Variants in NBPF26 observed in about 807,000 individuals in gnomAD.
NBPF26 encodes the protein NBPF family member NBPF26.
In NBPF26, 79 loss-of-function variants were observed where a neutral mutation model predicts 119.6. The ratio of observed to expected loss-of-function variants is 0.66; its 90% CI spans 0.55 to 0.80. The LOEUF (loss-of-function observed/expected upper bound fraction) is 0.80, where lower values mean the gene tolerates loss of function less well. Among genes scored for constraint, NBPF26 ranks in the 30% least tolerant of loss-of-function variants. The pLI is 0.00. For synonymous variants in NBPF26, 299 were observed against 457.7 expected, an observed-to-expected ratio of 0.65 and a Z score of 4.43; for missense variants, 800 against 1,198.2, an observed-to-expected ratio of 0.67 and a Z score of 4.91.
intron 2 of NBPF26, among the ~76,000 whole-genome samples, chr1:120,783,877 A>G (rs1651393616): frequency 9.4e-6 from 1 of 106,002 alleles, no homozygotes; most frequent in Non-Finnish European, 1.8e-5. Context: ...GTGGTTAGCA[A>G]TTCTCCCTAT....
intron 5 of NBPF26, among the ~76,000 whole-genome samples, chr1:120,806,299 G>T (rs1302207240): frequency 8.5e-6 from 1 of 118,224 alleles, no homozygotes; most frequent in Non-Finnish European, 1.7e-5. Flanking sequence ...ACAGCATCAA[G>T]AGCAGGGAGT....
intron 2 of NBPF26, among the ~76,000 whole-genome samples, chr1:120,778,103 G>A: frequency 1.2e-5 from 1 of 84,058 alleles, no homozygotes; most frequent in Non-Finnish European, 2.1e-5. Context: ...CAGAGTAGGG[G>A]GGCAGGAAAC....
chr1:120,803,399 C>G lies in NBPF26; in HGVS notation c.752-2157C>G, dbSNP rs1203388911. On this transcript the variant is annotated intron_variant, in intron 4 of 29. Coordinates refer to ENST00000620612, the Ensembl canonical transcript of NBPF26. ...AATTAAACACAGCCAAGGGAAGACCCATGTCTCATACTTCTCTTGTATATT... is the reference window on the plus strand; with the variant it reads ...AATTAAACACAGCCAAGGGAAGACCGATGTCTCATACTTCTCTTGTATATT... 1.8e-4 allele frequency among the ~76,000 whole-genome samples: 23 copies of G among 127,818 alleles called. 5 individuals are homozygous for G. The highest frequency in any genetic ancestry group is 8.2e-4 in the African/African-American group (23 of 27,950). The allele number at this position is 127,818 out of a possible 152,430, so 83.9% of individuals were successfully genotyped here.
chr1:120,816,785 T>C lies in NBPF26; in HGVS notation c.2329T>C (p.Ser777Pro). ...AGTCGACTCAACTCTCATTGGCTCA[T>C]CCTCTCATGTTGAATGGGAGGATGC... The change falls in exon 14 of 30, where the codon TCC becomes CCC. Residue 777 changes from serine to proline, a missense_variant. This residue lies in a region of NBPF26 where 59 missense variants were observed against 112.3 expected (regional missense o/e 0.53). Transcript: ENST00000620612. The C allele has an allele frequency of 2.1e-6, 3 of 1,424,016 alleles. 1 individual carries two copies. Among genetic ancestry groups the C allele is most frequent in the Non-Finnish European group, 2.8e-6 (3 of 1,069,066 alleles). The allele number at this position is 1,424,016 out of a possible 1,614,324, so 88.2% of individuals were successfully genotyped here.
chr1:120,823,817 G>A lies in NBPF26; in HGVS notation c.2640-157G>A, dbSNP rs1334092781. Among the ~76,000 whole-genome samples the A allele has an allele frequency of 2.5e-4, 27 of 109,114 alleles. 1 individual carries two copies. Among genetic ancestry groups the A allele is most frequent in the Admixed American group, 6.2e-4 (7 of 11,274 alleles). 71.6% of individuals were successfully genotyped at this position (109,114 alleles called of 152,430 possible). ...CTTTCATCTTTTTCTACCTGGCCCT[G>A]TTCTATCCCAACATAAAGGCAATAA... On this transcript the variant is annotated intron_variant, in intron 17 of 29. Coordinates refer to ENST00000620612, the Ensembl canonical transcript of NBPF26.
chr1:120,790,535 C>CCTTTCTTTCTTTCTTT lies in NBPF26; in HGVS notation c.416-2583_416-2568dup, dbSNP rs1189272610. Among the ~76,000 whole-genome samples the CCTTTCTTTCTTTCTTT allele has an allele frequency of 6.8e-4, 52 of 76,714 alleles. 2 individuals carry two copies. The highest frequency in any genetic ancestry group is 9.7e-4 in the East Asian group (3 of 3,100). 50.3% of individuals were successfully genotyped at this position (76,714 alleles called of 152,430 possible). On this transcript the variant is annotated intron_variant, in intron 3 of 29. Coordinates refer to ENST00000620612, the Ensembl canonical transcript of NBPF26. ...TTGATTCTTTCTTTCTTTCTCCCTC[C>CCTTTCTTTCTTTCTTT]CTTTCTTTCTTTCTTTCTTTCTTTC...
In NBPF26 at chr1:120,816,919, A is replaced by G. The variant is rs1652020065; in HGVS notation, c.2371+92A>G. 2.3e-6 allele frequency: 3 copies of G among 1,280,944 alleles called. 1 individual carries two copies. Among genetic ancestry groups the G allele is most frequent in the African/African-American group, 2.7e-5 (1 of 37,704 alleles). 79.3% of individuals were successfully genotyped at this position (1,280,944 alleles called of 1,614,324 possible). A position where few individuals can be genotyped will look rare whatever the true frequency, so the allele number is the denominator to read the frequency against. On this transcript the variant is annotated intron_variant, in intron 14 of 29. Coordinates refer to ENST00000620612, the Ensembl canonical transcript of NBPF26. ...GCTCTATAAACACAAATTCATTTGAATAAAAAACTGTGATGGGTTTCTAAA... is the reference window on the plus strand; with the variant it reads ...GCTCTATAAACACAAATTCATTTGAGTAAAAAACTGTGATGGGTTTCTAAA...
chr1:120,823,756 G>GTC (rs1553272350), intron 17 of NBPF26, among the ~76,000 whole-genome samples: 2 of 96,272 alleles, frequency 2.1e-5, no homozygotes, highest in African/African-American at 1.3e-4. Context: ...CTCGCTCTGT[G>GTC]TGTGTGTGTG....
At chr1:120,810,649 G>A in intron 9 of NBPF26, 91 bp downstream of exon 9, 3 of 1,315,808 alleles carry the variant, frequency 2.3e-6, no homozygotes, top group Non-Finnish European at 3.1e-6. Context: ...TATTGTTATT[G>A]TTTTAGTCAG....
chr1:120,805,124 G>T (rs1651649165), intron 4 of NBPF26, among the ~76,000 whole-genome samples: 1 of 125,350 alleles, frequency 8.0e-6, no homozygotes, highest in Non-Finnish European at 1.6e-5. Flanking sequence ...CTGTGGCATT[G>T]TCAACAAGGG....
chr1:120,768,606 A>G lies in NBPF26; in HGVS notation c.155+4897A>G, dbSNP rs1206589809. ...GCATGAACTGGGGTGTACCTTCACGATAAAAAAAAAAAACAAAACTGTAAA... is the reference window on the plus strand; with the variant it reads ...GCATGAACTGGGGTGTACCTTCACGGTAAAAAAAAAAAACAAAACTGTAAA... On this transcript the variant is annotated intron_variant, in intron 2 of 29. Transcript: ENST00000620612. Among the ~76,000 whole-genome samples the G allele has an allele frequency of 4.6e-3, 505 of 109,656 alleles. 93 individuals are homozygous for G. Among genetic ancestry groups the G allele is most frequent in the Middle Eastern group, 7.9e-3 (2 of 254 alleles). The allele number at this position is 109,656 out of a possible 152,430, so 71.9% of individuals were successfully genotyped here. A position where few individuals can be genotyped will look rare whatever the true frequency, so the allele number is the denominator to read the frequency against.
In NBPF26 at chr1:120,754,783, C is replaced by G. The variant is rs1241113636; in HGVS notation, c.74-8845C>G. On this transcript the variant is annotated intron_variant, in intron 1 of 29. Transcript: ENST00000620612. ...CTTCAAACAAATGGTAAGAAAGGAA[C>G]TTTCAAAACTGTTTCAGTTTTGCAA... is the stretch of plus-strand genomic sequence containing the variant. Among the ~76,000 whole-genome samples, 8 of 115,686 alleles carry G rather than the reference C, an allele frequency of 6.9e-5. 2 individuals are homozygous for G. Among genetic ancestry groups the G allele is most frequent in the Admixed American group, 5.8e-4 (7 of 12,100 alleles). The allele number at this position is 115,686 out of a possible 152,430, so 75.9% of individuals were successfully genotyped here. A position where few individuals can be genotyped will look rare whatever the true frequency, so the allele number is the denominator to read the frequency against.
At chr1:120,822,702 T>G (rs1298025246) in intron 16 of NBPF26, among the ~76,000 whole-genome samples, 1 of 105,974 alleles carries the variant, frequency 9.4e-6, no homozygotes, top group Non-Finnish European at 1.8e-5. Flanking sequence ...CTTGTCTACC[T>G]CTCAGTGAAA....
intron 12 of NBPF26, among the ~76,000 whole-genome samples, chr1:120,815,639 A>T (rs1395488096): frequency 1.1e-5 from 1 of 89,874 alleles, no homozygotes; most frequent in Non-Finnish European, 2.0e-5. Flanking sequence ...TCCCTGAAGA[A>T]CACAGCAGAA....
At chr1:120,813,699 A>C (rs1490091980) in intron 10 of NBPF26, among the ~76,000 whole-genome samples, 192 bp from the exon 11 acceptor site, 7 of 128,606 alleles carry the variant, frequency 5.4e-5, no homozygotes, top group Non-Finnish European at 9.7e-5. Context: ...CTCTTTCTTC[A>C]TCTCTAAATT....
In NBPF26 at chr1:120,825,504, A is replaced by C. The variant is rs1652246626; in HGVS notation, c.2812+1358A>C. Among the ~76,000 whole-genome samples the C allele has an allele frequency of 1.7e-5, 2 of 114,456 alleles. No homozygotes were observed. Among genetic ancestry groups the C allele is most frequent in the African/African-American group, 1.1e-4 (2 of 18,114 alleles). 75.1% of individuals were successfully genotyped at this position (114,456 alleles called of 152,430 possible). A position where few individuals can be genotyped will look rare whatever the true frequency, so the allele number is the denominator to read the frequency against. On this transcript the variant is annotated intron_variant, in intron 18 of 29. Transcript: ENST00000620612. ...CCTGGCTTATTCTTTACTTTTTCCC[A>C]CTTTTCCAGGCTCAGCGGGGAGCTG...
intron 1 of NBPF26, 37 bp downstream of exon 1, chr1:120,724,287 C>T (rs2101332113): frequency 5.1e-6 from 7 of 1,373,278 alleles, no homozygotes; most frequent in East Asian, 5.1e-5. Context: ...CCGCGGCGCC[C>T]GGGGCTGCCA....
At chr1:120,793,832 TG>T in intron 4 of NBPF26, 1 of 790,158 alleles carries the variant, frequency 1.3e-6, no homozygotes, top group South Asian at 1.5e-5. Context: ...AATTAGACAC[TG>T]GAAAATATGT....
Position 120,763,711 on chromosome 1 carries a change from T to C in NBPF26, c.155+2T>C. ...CCACAGTGGCACAGGATACTGCAAGTAAGTTTTTCTCTTCATATATTTTCT... is the reference window on the plus strand; with the variant it reads ...CCACAGTGGCACAGGATACTGCAAGCAAGTTTTTCTCTTCATATATTTTCT... On this transcript the variant is annotated splice_donor_variant, in intron 2 of 29. Coordinates refer to ENST00000620612, the Ensembl canonical transcript of NBPF26. LOFTEE classifies it high-confidence loss of function. The C allele has an allele frequency of 7.8e-7, 1 of 1,286,996 alleles. No homozygotes were observed. The highest frequency in any genetic ancestry group is 1.1e-6 in the Non-Finnish European group (1 of 940,098). 79.7% of individuals were successfully genotyped at this position (1,286,996 alleles called of 1,614,324 possible).
Sources: gnomAD v4.1 joint callset for allele counts (sites outside exome capture counted in the v4.1 genomes callset) on GRCh38, gnomAD v4.1.1 for gene constraint, gnomAD v4.1.1 regional missense constraint, MANE v1.5 for transcripts, NCBI Gene and HGNC (gene_info 2026-07-23, HGNC 2026-07-21) for gene names.